CCDC171: variants seen among roughly 807,000 people sequenced by gnomAD.
The protein encoded by CCDC171 is coiled-coil domain containing 171.
In CCDC171, 177 loss-of-function variants were observed where a neutral mutation model predicts 168.2. The observed-to-expected ratio is 1.05, with a 90% CI of 0.93 to 1.19. The LOEUF (loss-of-function observed/expected upper bound fraction) is 1.19, where lower values mean the gene tolerates loss of function less well. Ranked by LOEUF, CCDC171 falls within the 50% of genes most tolerant of loss-of-function variation. The pLI, the probability that CCDC171 is intolerant of heterozygous loss-of-function variation, is 0.00. For missense variants in CCDC171, 1,991 were observed against 1,539.0 expected (o/e 1.29, Z -4.91); for synonymous variants, 687 against 540.8 (o/e 1.27, Z -3.75).
intron 8 of CCDC171, among the ~76,000 whole-genome samples, chr9:15,657,703 A>G (rs1234120797): frequency 6.6e-6 from 1 of 152,224 alleles, no homozygotes; most frequent in Non-Finnish European, 1.5e-5. Context: ...TTGTTGTCAG[A>G]GATACTATAT....
chr9:15,944,447 A>G (rs1828065305), intron 25 of CCDC171, among the ~76,000 whole-genome samples: 1 of 152,008 alleles, frequency 6.6e-6, no homozygotes, highest in Admixed American at 6.6e-5. Context: ...ATTAGCTAAC[A>G]TTTATCTAAT....
the CCDC171 span, among the ~76,000 whole-genome samples, chr9:16,094,393 C>T: frequency 6.6e-5 from 10 of 152,170 alleles, no homozygotes; most frequent in Non-Finnish European, 1.2e-4. Context: ...CTTTATGGAG[C>T]GAGTGCTCGT....
At chr9:15,786,574 G>T (rs2057967849) in intron 21 of CCDC171, among the ~76,000 whole-genome samples, 1 of 152,038 alleles carries the variant, frequency 6.6e-6, no homozygotes, top group African/African-American at 2.4e-5. Context: ...ATGCTAATAA[G>T]TATAGTGGTA....
At chr9:15,897,588 T>G (rs1186837216) in intron 24 of CCDC171, among the ~76,000 whole-genome samples, 1 of 152,150 alleles carries the variant, frequency 6.6e-6, no homozygotes, top group Non-Finnish European at 1.5e-5. Flanking sequence ...TCAGAGTCAA[T>G]GCAGAGTAAT....
intron 19 of CCDC171, among the ~76,000 whole-genome samples, 178 bp from the exon 20 acceptor site, chr9:15,778,789 AT>A (rs1444901852): frequency 1.3e-5 from 2 of 152,008 alleles, no homozygotes; most frequent in Admixed American, 6.6e-5. Context: ...CCAGATGTTC[AT>A]TTTTCATAAG....
chr9:15,687,567 A>T (rs2050486828), intron 10 of CCDC171, among the ~76,000 whole-genome samples: 2 of 152,204 alleles, frequency 1.3e-5, no homozygotes. Context: ...AGAGAATTTT[A>T]AAAAATAGAG....
chr9:15,563,258 C>T (rs1396947651), intron 1 of CCDC171, among the ~76,000 whole-genome samples: 1 of 151,892 alleles, frequency 6.6e-6, no homozygotes, highest in Non-Finnish European at 1.5e-5. Flanking sequence ...TCCACCTCAG[C>T]CTCCTGAGTA....
the CCDC171 span, among the ~76,000 whole-genome samples, chr9:16,100,101 A>C: frequency 1.3e-5 from 2 of 152,150 alleles, no homozygotes; most frequent in African/African-American, 4.8e-5. Context: ...TCAGAAAACA[A>C]TGGGGGCATT....
intron 3 of CCDC171, among the ~76,000 whole-genome samples, chr9:15,995,922 CT>C (rs1368226611): frequency 6.6e-6 from 1 of 152,150 alleles, no homozygotes; most frequent in Non-Finnish European, 1.5e-5. Context: ...TCATGTATAG[CT>C]TTGTGCAGTG....
chr9:15,604,342 A>G (rs765262538), intron 6 of CCDC171, among the ~76,000 whole-genome samples: 49 of 152,168 alleles, frequency 3.2e-4, no homozygotes, highest in Middle Eastern at 3.4e-3. Context: ...AAGCTTTTCT[A>G]TTGTGGGACA....
intron 24 of CCDC171, among the ~76,000 whole-genome samples, chr9:15,906,682 G>T (rs1822683639): frequency 6.6e-6 from 1 of 152,146 alleles, no homozygotes. Context: ...GGGCAATCAG[G>T]CAGGAGAAGG....
chr9:16,102,352 C>T, the CCDC171 span, among the ~76,000 whole-genome samples: 46 of 152,194 alleles, frequency 3.0e-4, no homozygotes, highest in African/African-American at 9.4e-4. Context: ...GGGAGGATTG[C>T]GGGGGATGAG....
intron 25 of CCDC171, among the ~76,000 whole-genome samples, chr9:15,968,235 A>G (rs1359067973): frequency 6.6e-6 from 1 of 152,188 alleles, no homozygotes; most frequent in East Asian, 1.9e-4. Context: ...CCTTTTGAAA[A>G]ACTGCCTAAA....
In CCDC171 at chr9:15,666,374, A is replaced by T. The variant is rs762747808; in HGVS notation, c.1076+51A>T. ...TAAATTAACATAAAGATTTTAAAAG[A>T]GCTATATAAAATATGAATGTATACT... On this transcript the variant is annotated intron_variant, in intron 9 of 25. Transcript: ENST00000380701. The T allele has an allele frequency of 1.5e-6, 2 of 1,320,020 alleles. 1 individual carries two copies. Among genetic ancestry groups the T allele is most frequent in the Admixed American group, 4.2e-5 (2 of 47,492 alleles). 81.8% of individuals were successfully genotyped at this position (1,320,020 alleles called of 1,614,324 possible).
At chr9:16,011,539 C>A (rs1206900493) in intron 3 of CCDC171, among the ~76,000 whole-genome samples, 3 of 152,042 alleles carry the variant, frequency 2.0e-5, no homozygotes, top group African/African-American at 7.3e-5. Context: ...GACAACAGAG[C>A]CCAATTATGC....
At chr9:15,927,828 G>T (rs1039170757) in intron 25 of CCDC171, among the ~76,000 whole-genome samples, 1 of 151,660 alleles carries the variant, frequency 6.6e-6, no homozygotes, top group African/African-American at 2.4e-5. Context: ...GTTAATTTTA[G>T]TGTTGTGTAG....
chr9:15,797,405 G>A (rs1310522547), intron 21 of CCDC171, among the ~76,000 whole-genome samples: 2 of 152,066 alleles, frequency 1.3e-5, no homozygotes, highest in South Asian at 2.1e-4. Context: ...TTGTAGAGAC[G>A]GGGTTTCTCC....
intron 7 of CCDC171, among the ~76,000 whole-genome samples, chr9:15,654,925 T>C (rs200509617): frequency 6.6e-6 from 1 of 152,026 alleles, no homozygotes; most frequent in Admixed American, 6.6e-5. Flanking sequence ...AGCAAACTAT[T>C]GCAAGGACAA....
intron 10 of CCDC171, among the ~76,000 whole-genome samples, chr9:15,682,626 A>C (rs1454937375): frequency 6.6e-6 from 1 of 151,818 alleles, no homozygotes; most frequent in Non-Finnish European, 1.5e-5. Flanking sequence ...AAATTACTTC[A>C]ATTTATAGAT....
Sources: gnomAD v4.1 joint callset for allele counts (sites outside exome capture counted in the v4.1 genomes callset) on GRCh38, gnomAD v4.1.1 for gene constraint, MANE v1.5 for transcripts, NCBI Gene and HGNC (gene_info 2026-07-23, HGNC 2026-07-21) for gene names.